The following KIF16B variants were observed in gnomAD, a reference collection of about 807,000 sequenced individuals.
KIF16B encodes the protein kinesin-like protein KIF16B.
A neutral mutation model predicts 156.3 loss-of-function variants in KIF16B; 98 were observed. The ratio of observed to expected loss-of-function variants is 0.63; its 90% CI spans 0.53 to 0.74. The LOEUF is 0.74. KIF16B is among the 30% of genes least tolerant of loss of function. The pLI, the probability that KIF16B is intolerant of heterozygous loss-of-function variation, is 0.00. For synonymous variants in KIF16B, 564 were observed against 583.7 expected (o/e 0.97, Z 0.49); for missense variants, 1,421 against 1,606.5 (o/e 0.88, Z 1.97).
At chr20:16,485,207 A>T (rs1030655854) in intron 12 of KIF16B, among the ~76,000 whole-genome samples, 1 of 152,210 alleles carries the variant, frequency 6.6e-6, no homozygotes, top group Non-Finnish European at 1.5e-5. Context: ...ACCACCAGCC[A>T]TGTGAGTCCA....
intron 1 of KIF16B, among the ~76,000 whole-genome samples, chr20:16,539,519 G>GTTT (rs1232686217): frequency 6.6e-6 from 1 of 152,082 alleles, no homozygotes; most frequent in African/African-American, 2.4e-5. Flanking sequence ...GTAACTTCTC[G>GTTT]TGAGATCTGG....
Position 16,536,351 on chromosome 20 carries a change from TG to T in KIF16B, c.48-7912del, listed in dbSNP as rs938513242. Among the ~76,000 whole-genome samples, 5 of 149,968 alleles carry T rather than the reference TG, an allele frequency of 3.3e-5. No homozygotes were observed. In the East Asian group the frequency reaches 5.9e-4, roughly 18 times the overall value. ...AGAGGCTGGAATGGGTGTACGGGGGTGGGGGGAGTGAAGAGAAGTAGGTTAA... is the reference window on the plus strand; with the variant it reads ...AGAGGCTGGAATGGGTGTACGGGGGTGGGGGAGTGAAGAGAAGTAGGTTAA... On this transcript the variant is annotated intron_variant, in intron 1 of 25. Transcript: ENST00000354981.
At chr20:16,353,321 T>C (rs1600192400) in intron 23 of KIF16B, among the ~76,000 whole-genome samples, 1 of 152,056 alleles carries the variant, frequency 6.6e-6, no homozygotes, top group Non-Finnish European at 1.5e-5. Context: ...GTCAGCAATC[T>C]AAATTTTAAA....
chr20:16,328,405 T>C (rs1451423118), intron 24 of KIF16B, among the ~76,000 whole-genome samples: 1 of 152,236 alleles, frequency 6.6e-6, no homozygotes, highest in African/African-American at 2.4e-5. Context: ...CTGTTCCATG[T>C]AGCTTATACT....
chr20:16,418,591 G>A lies in KIF16B; in HGVS notation c.1612+8513C>T, dbSNP rs563562503. 3.9e-4 allele frequency among the ~76,000 whole-genome samples: 59 copies of A among 152,144 alleles called. No homozygotes were observed. The South Asian group carries it at 7.3e-3, about 19-fold the overall frequency. ...CATTGCCTCCTGATAAGAAACCATC[G>A]ACCATGGAGTGGTTCTGGCCAATCT... On this transcript the variant is annotated intron_variant, in intron 15 of 25. Coordinates refer to ENST00000354981, the MANE Select transcript of KIF16B (RefSeq NM_024704.5).
chr20:16,360,591 AAAG>A (rs1437143336), intron 22 of KIF16B, among the ~76,000 whole-genome samples: 1 of 152,236 alleles, frequency 6.6e-6, no homozygotes, highest in Non-Finnish European at 1.5e-5. Context: ...TTAGAAATAA[AAAG>A]TCAAGAAAAA....
chr20:16,565,750 C>G (rs2071229637), intron 1 of KIF16B, among the ~76,000 whole-genome samples: 1 of 152,188 alleles, frequency 6.6e-6, no homozygotes, highest in Non-Finnish European at 1.5e-5. Flanking sequence ...CCACCAGCAC[C>G]CCGAAACAAA....
chr20:16,518,028 C>A (rs2069199925), intron 3 of KIF16B, among the ~76,000 whole-genome samples: 1 of 152,118 alleles, frequency 6.6e-6, no homozygotes, highest in Non-Finnish European at 1.5e-5. Flanking sequence ...GAAAGTTAAC[C>A]CAGGCGGTTT....
chr20:16,554,988 C>T (rs2070794994), intron 1 of KIF16B, among the ~76,000 whole-genome samples: 1 of 152,214 alleles, frequency 6.6e-6, no homozygotes, highest in African/African-American at 2.4e-5. Context: ...CCTGGCTTGC[C>T]CTTGGCAGGC....
intron 25 of KIF16B, among the ~76,000 whole-genome samples, chr20:16,284,807 C>A (rs1410198933): frequency 1.3e-5 from 2 of 152,194 alleles, no homozygotes; most frequent in African/African-American, 4.8e-5. Flanking sequence ...GGCCACAGCA[C>A]AGTAGATGCC....
intron 22 of KIF16B, chr20:16,369,313 T>C: frequency 1.0e-6 from 1 of 983,272 alleles, no homozygotes; most frequent in Non-Finnish European, 1.2e-6. Flanking sequence ...TGGTATCTCT[T>C]TCTGTGATTC....
chr20:16,345,382 C>A (rs964385320), intron 23 of KIF16B, among the ~76,000 whole-genome samples: 3 of 152,306 alleles, frequency 2.0e-5, no homozygotes, highest in African/African-American at 7.2e-5. Context: ...CTCACAGCCT[C>A]TTTTCAATAT....
Position 16,313,693 on chromosome 20 carries a change from C to T in KIF16B, c.3712-1275G>A, listed in dbSNP as rs541123674. Among the ~76,000 whole-genome samples, 33 of 152,298 alleles carry T rather than the reference C, an allele frequency of 2.2e-4. No homozygotes were observed. In the South Asian group the frequency reaches 6.8e-3, roughly 32 times the overall value. On this transcript the variant is annotated intron_variant, in intron 24 of 25. Transcript: ENST00000354981. ...TGCAAAAGATGTCATACAGTATGAA[C>T]TCTTTTGTGTCTACCTCCTTTTGTT...
intron 1 of KIF16B, among the ~76,000 whole-genome samples, chr20:16,559,543 A>G (rs754797216): frequency 6.6e-6 from 1 of 152,162 alleles, no homozygotes; most frequent in Non-Finnish European, 1.5e-5. Flanking sequence ...CCAACACAGA[A>G]GGATCACTTG....
intron 23 of KIF16B, among the ~76,000 whole-genome samples, chr20:16,344,338 C>T (rs530760036): frequency 1.2e-4 from 18 of 152,316 alleles, no homozygotes; most frequent in African/African-American, 3.4e-4. Flanking sequence ...GATTGCTCCT[C>T]GATGTGATCT....
chr20:16,384,906 T>C (rs2065191593), intron 17 of KIF16B, among the ~76,000 whole-genome samples: 1 of 151,976 alleles, frequency 6.6e-6, no homozygotes, highest in Non-Finnish European at 1.5e-5. Context: ...AAAAAGTAGG[T>C]GCTCAGTTGG....
chr20:16,290,863 G>A (rs2063304645), intron 25 of KIF16B, among the ~76,000 whole-genome samples: 1 of 152,152 alleles, frequency 6.6e-6, no homozygotes, highest in Admixed American at 6.5e-5. Context: ...CTTCTCAAAT[G>A]CCAACATCTC....
intron 12 of KIF16B, among the ~76,000 whole-genome samples, chr20:16,487,720 T>A (rs2068163101): frequency 6.6e-6 from 1 of 152,168 alleles, no homozygotes; most frequent in South Asian, 2.1e-4. Context: ...GGTTACAAGT[T>A]ATCTTTCATC....
intron 25 of KIF16B, among the ~76,000 whole-genome samples, chr20:16,282,345 C>T (rs2063159643): frequency 6.6e-6 from 1 of 151,974 alleles, no homozygotes. Flanking sequence ...GCTGGGCATT[C>T]AACAGCTAAT....
Sources: allele counts gnomAD v4.1 joint callset (sites outside exome capture counted in the v4.1 genomes callset), GRCh38; gene constraint gnomAD v4.1.1; transcripts MANE v1.5; gene names NCBI Gene and HGNC (gene_info 2026-07-23, HGNC 2026-07-21).